PACSIN2: variants seen among roughly 807,000 people sequenced by gnomAD.
The protein encoded by PACSIN2 is protein kinase C and casein kinase substrate in neurons protein 2.
A neutral mutation model predicts 63.8 loss-of-function variants in PACSIN2; 25 were observed. The observed-to-expected ratio is 0.39, with a 90% CI of 0.29 to 0.55. The LOEUF is 0.55. PACSIN2 is among the 20% of genes least tolerant of loss of function. The pLI is 0.62. For synonymous variants in PACSIN2, 255 were observed against 256.2 expected, an observed-to-expected ratio of 1.00 and a Z score of 0.05; for missense variants, 518 against 646.9, an observed-to-expected ratio of 0.80 and a Z score of 2.16.
chr22:42,878,930 A>G, intron 8 of PACSIN2, 118 bp downstream of exon 8: 2 of 1,209,674 alleles, frequency 1.7e-6, no homozygotes, highest in Non-Finnish European at 2.3e-6. Context: ...CGGCCCACAG[A>G]GCTCAGGAGC....
intron 8 of PACSIN2, among the ~76,000 whole-genome samples, chr22:42,877,409 GAC>G (rs1928725750): frequency 6.6e-6 from 1 of 152,150 alleles, no homozygotes; most frequent in Non-Finnish European, 1.5e-5. Context: ...CTCTGAGAGT[GAC>G]AGTGTGGGAG....
intron 2 of PACSIN2, among the ~76,000 whole-genome samples, chr22:42,911,383 C>T (rs987718553): frequency 6.7e-6 from 1 of 149,616 alleles, no homozygotes; most frequent in Non-Finnish European, 1.5e-5. Flanking sequence ...GAACTCCAGC[C>T]TGCGCTCTCG....
At chr22:42,900,232 C>T (rs1930583283) in intron 2 of PACSIN2, among the ~76,000 whole-genome samples, 1 of 152,202 alleles carries the variant, frequency 6.6e-6, no homozygotes, top group South Asian at 2.1e-4. Flanking sequence ...ACACCGTCCC[C>T]ATGCCCTTCG....
chr22:42,982,888 A>AAAAAAACAAC (rs759532303), intron 1 of PACSIN2, among the ~76,000 whole-genome samples: 1 of 105,148 alleles, frequency 9.5e-6, no homozygotes, highest in Non-Finnish European at 2.1e-5. Flanking sequence ...AAAAAAAAAA[A>AAAAAAACAAC]AACAACAACA....
chr22:42,894,486 C>CCACAT (rs1213615655), intron 2 of PACSIN2, among the ~76,000 whole-genome samples: 1 of 152,162 alleles, frequency 6.6e-6, no homozygotes, highest in Non-Finnish European at 1.5e-5. Context: ...TGTGATCCAC[C>CCACAT]CACATCAGCC....
chr22:42,871,095 A>G lies in PACSIN2; in HGVS notation c.*262T>C. ...AAAGTCAAGAACATAGAGATCTATG[A>G]TAGGCCAACAGGCACAGTGGGCGGG... is the stretch of plus-strand genomic sequence containing the variant. On this transcript the variant is annotated 3_prime_UTR_variant, in exon 11 of 11. Coordinates refer to ENST00000263246, the MANE Select transcript of PACSIN2 (RefSeq NM_001184970.3). The surrounding 1 kb of genome is among the most constrained non-coding windows in gnomAD (Gnocchi z 5.4). 1 of 525,544 alleles carries G rather than the reference A, an allele frequency of 1.9e-6. No individual in the cohort carries two copies. Among genetic ancestry groups the G allele is most frequent in the Non-Finnish European group, 3.5e-6 (1 of 289,784 alleles). 32.6% of individuals were successfully genotyped at this position (525,544 alleles called of 1,614,324 possible).
chr22:42,996,656 C>A (rs780658179), intron 1 of PACSIN2, among the ~76,000 whole-genome samples: 14 of 152,056 alleles, frequency 9.2e-5, no homozygotes, highest in Non-Finnish European at 1.9e-4. Flanking sequence ...CACACCACTA[C>A]ACTCCAGCCT....
At chr22:42,893,734 C>A in intron 2 of PACSIN2, 121 bp from the exon 3 acceptor site, 1 of 906,904 alleles carries the variant, frequency 1.1e-6, no homozygotes. Flanking sequence ...TTACCACACC[C>A]CTCTCCAAGA....
rs538364896 is a variant in PACSIN2 at position 42,999,246 on chromosome 22, G to A, written c.-78+15775C>T. On this transcript the variant is annotated intron_variant, in intron 1 of 10. Coordinates refer to ENST00000263246, the MANE Select transcript of PACSIN2 (RefSeq NM_001184970.3). The stretch of plus-strand genomic sequence containing the variant: ...TGCTCACCTGCATGCTCCCCCTCCT[G>A]TAAGTGGTTTAAGCAAACCAGCCAC... Among the ~76,000 whole-genome samples the A allele has an allele frequency of 7.2e-5, 11 of 152,312 alleles. No homozygotes were observed. The East Asian group carries it at 1.3e-3, about 19-fold the overall frequency.
In PACSIN2 at chr22:42,972,200, C is replaced by T. The variant is rs973660997; in HGVS notation, c.-78+42821G>A. On this transcript the variant is annotated intron_variant, in intron 1 of 10. Coordinates refer to ENST00000263246, the MANE Select transcript of PACSIN2 (RefSeq NM_001184970.3). ...GCCTTGGGACGCTGTTGATCTATGG[C>T]CTTGCCCCCAATCCCGTGCTCTCTG... is the stretch of plus-strand genomic sequence containing the variant. 2.0e-5 allele frequency among the ~76,000 whole-genome samples: 3 copies of T among 152,356 alleles called. No homozygotes were observed. In the South Asian group the frequency reaches 6.2e-4, roughly 32 times the overall value.
intron 10 of PACSIN2, 35 bp downstream of exon 10, chr22:42,876,102 C>G (rs199698770): frequency 3.2e-4 from 497 of 1,574,924 alleles, no homozygotes; most frequent in Non-Finnish European, 4.3e-4. Flanking sequence ...AGGTTGGAAG[C>G]CCTCCTCCCC....
chr22:42,909,689 G>C, intron 2 of PACSIN2: 1 of 429,236 alleles, frequency 2.3e-6, no homozygotes, highest in Admixed American at 2.7e-5. Flanking sequence ...GGGAGCATAA[G>C]AGCTTAATTA....
chr22:42,901,185 A>G (rs1930659929), intron 2 of PACSIN2, among the ~76,000 whole-genome samples: 2 of 152,162 alleles, frequency 1.3e-5, no homozygotes, highest in Admixed American at 6.5e-5. Context: ...AGGAAGGGTC[A>G]AGGGTGAGCC....
chr22:42,904,373 A>G (rs1930915663), intron 2 of PACSIN2, among the ~76,000 whole-genome samples: 1 of 152,226 alleles, frequency 6.6e-6, no homozygotes. Context: ...AGCACCCAGC[A>G]AGTGGCAGGA....
intron 4 of PACSIN2, among the ~76,000 whole-genome samples, chr22:42,889,139 C>T (rs1929710112): frequency 6.6e-6 from 1 of 151,998 alleles, no homozygotes; most frequent in South Asian, 2.1e-4. Context: ...GGGAGGACAA[C>T]TGAGACGGAG....
chr22:42,970,277 A>T (rs1921156572), intron 1 of PACSIN2, among the ~76,000 whole-genome samples: 1 of 152,238 alleles, frequency 6.6e-6, no homozygotes, highest in African/African-American at 2.4e-5. Flanking sequence ...TCCTGAGATG[A>T]TGTAATGAAA....
rs375832458 is a variant in PACSIN2 at position 42,899,813 on chromosome 22, C to T, written c.61-6200G>A. On this transcript the variant is annotated intron_variant, in intron 2 of 10. Transcript: ENST00000263246. The stretch of plus-strand genomic sequence containing the variant: ...GGAGGAAGGATGTGCGCGACTACGC[C>T]GACACACTGACCCAGAACAGAAACA... 7.9e-5 allele frequency among the ~76,000 whole-genome samples: 12 copies of T among 152,098 alleles called. No homozygotes were observed. The East Asian group carries it at 9.6e-4, about 12-fold the overall frequency.
In PACSIN2 at chr22:43,000,877, G is replaced by A. The variant is rs1923723637; in HGVS notation, c.-78+14144C>T. 2.0e-5 allele frequency among the ~76,000 whole-genome samples: 3 copies of A among 152,180 alleles called. No individual in the cohort carries two copies. In the South Asian group the frequency reaches 6.2e-4, roughly 31 times the overall value. On this transcript the variant is annotated intron_variant, in intron 1 of 10. Transcript: ENST00000263246. ...CAATCACATTGACTTTCTTCCCATGGCTTACAGGTGGTCAGGAGTACCCCT... is the reference window on the plus strand; with the variant it reads ...CAATCACATTGACTTTCTTCCCATGACTTACAGGTGGTCAGGAGTACCCCT...
At chr22:42,940,453 C>T (rs1021563205) in intron 1 of PACSIN2, among the ~76,000 whole-genome samples, 1 of 152,192 alleles carries the variant, frequency 6.6e-6, no homozygotes, top group African/African-American at 2.4e-5. Context: ...AGCTCTCAAA[C>T]TTCCTCCTCA....
Sources: gnomAD v4.1 joint callset for allele counts (sites outside exome capture counted in the v4.1 genomes callset) on GRCh38, gnomAD v4.1.1 for gene constraint, Gnocchi (gnomAD v3.1) non-coding constraint, MANE v1.5 for transcripts, NCBI Gene and HGNC (gene_info 2026-07-23, HGNC 2026-07-21) for gene names.